The following SPAG9 variants were observed in gnomAD, a reference collection of about 807,000 sequenced individuals.
SPAG9 encodes sperm associated antigen 9.
Under a neutral mutation model 166.5 loss-of-function variants are expected in SPAG9, and 35 were observed. The observed-to-expected ratio is 0.21, with a 90% CI of 0.16 to 0.28. The LOEUF is 0.28. SPAG9 is among the 10% of genes least tolerant of loss of function. SPAG9 has a pLI of 1.00. For missense variants in SPAG9, 1,235 were observed against 1,603.3 expected (o/e 0.77, Z 3.92); for synonymous variants, 534 against 565.5 (o/e 0.94, Z 0.79).
chr17:51,044,784 C>A (rs1395298561), intron 4 of SPAG9, among the ~76,000 whole-genome samples: 1 of 152,148 alleles, frequency 6.6e-6, no homozygotes, highest in Non-Finnish European at 1.5e-5. Context: ...CAATTCCAAG[C>A]CCTTTGCTTT....
At chr17:51,044,692 A>G (rs974627468) in intron 4 of SPAG9, among the ~76,000 whole-genome samples, 22 of 152,124 alleles carry the variant, frequency 1.4e-4, no homozygotes, top group Non-Finnish European at 2.9e-5. Flanking sequence ...TATTTTTCCA[A>G]TTTTTCAGAG....
At chr17:51,078,851 T>C (rs2048087304) in intron 2 of SPAG9, among the ~76,000 whole-genome samples, 1 of 151,968 alleles carries the variant, frequency 6.6e-6, no homozygotes, top group African/African-American at 2.4e-5. Context: ...AATTACATGC[T>C]TAGGTAATTT....
intron 2 of SPAG9, among the ~76,000 whole-genome samples, chr17:51,069,153 T>C (rs2047750741): frequency 6.6e-6 from 1 of 152,010 alleles, no homozygotes; most frequent in African/African-American, 2.4e-5. Flanking sequence ...AAAGATATAA[T>C]TCAAACTCCT....
chr17:51,096,194 A>G (rs1205420701), intron 1 of SPAG9, among the ~76,000 whole-genome samples: 1 of 151,272 alleles, frequency 6.6e-6, no homozygotes, highest in African/African-American at 2.4e-5. Flanking sequence ...AAAAACACAA[A>G]AATCAGCCAG....
At position 50,993,706 on chromosome 17, in the gene SPAG9, G is replaced by C; in HGVS notation, c.2398+58C>G. On this transcript the variant is annotated intron_variant, in intron 19 of 29. Coordinates refer to ENST00000262013, the MANE Select transcript of SPAG9 (RefSeq NM_001130528.3). Reference sequence around the variant, plus strand: ...AACTGCATCTTCAGCTGCTACATCAGTGCCCAGCAGGTAGGTGGATGGAGG... The same window carrying C: ...AACTGCATCTTCAGCTGCTACATCACTGCCCAGCAGGTAGGTGGATGGAGG... 6.5e-6 allele frequency: 10 copies of C among 1,545,326 alleles called. 1 individual carries two copies. In the South Asian group the frequency reaches 1.1e-4, roughly 18 times the overall value.
chr17:51,002,017 A>T lies in SPAG9; in HGVS notation c.1477-172T>A, dbSNP rs542318124. ...ACAAAATCAACAAAGACTTTTTTTT[A>T]AAAAAATATATTTTTTGAGACAGGG... On this transcript the variant is annotated intron_variant, in intron 12 of 29. Coordinates refer to ENST00000262013, the MANE Select transcript of SPAG9 (RefSeq NM_001130528.3). 1.3e-3 allele frequency among the ~76,000 whole-genome samples: 199 copies of T among 152,044 alleles called. 5 individuals carry two copies. In the South Asian group the frequency reaches 0.038, roughly 29 times the overall value.
At chr17:51,031,835 T>C (rs1568021311) in intron 5 of SPAG9, 113 bp from the exon 6 acceptor site, 1 of 799,602 alleles carries the variant, frequency 1.3e-6, no homozygotes, top group East Asian at 2.7e-5. Context: ...ATCTATTATC[T>C]ACTGTGTTTA....
At chr17:51,045,191 T>C (rs1053906099) in intron 4 of SPAG9, among the ~76,000 whole-genome samples, 1 of 152,168 alleles carries the variant, frequency 6.6e-6, no homozygotes, top group Non-Finnish European at 1.5e-5. Flanking sequence ...CAAAGCCTTG[T>C]TGTACCCACT....
At position 51,120,782 on chromosome 17, in the gene SPAG9, C is replaced by T; in HGVS notation, c.-126G>A. ...GCTGGAGCCCGGGCCGGGGCTGGGGCTGGGCCCGGCGGGGTGGGGGCCGGG... is the reference window on the plus strand; with the variant it reads ...GCTGGAGCCCGGGCCGGGGCTGGGGTTGGGCCCGGCGGGGTGGGGGCCGGG... On this transcript the variant is annotated 5_prime_UTR_variant, in exon 1 of 30. Transcript: ENST00000262013. This position sits in a 1 kb window ranked among gnomAD's most constrained non-coding sequence, Gnocchi z 4.7. 2.7e-6 allele frequency: 2 copies of T among 745,674 alleles called. No homozygotes were observed. Among genetic ancestry groups the T allele is most frequent in the Non-Finnish European group, 1.9e-6 (1 of 517,132 alleles). The allele number at this position is 745,674 out of a possible 1,614,324, so 46.2% of individuals were successfully genotyped here. A position where few individuals can be genotyped will look rare whatever the true frequency, so the allele number is the denominator to read the frequency against.
At chr17:50,979,987 T>C (rs1974475964) in intron 25 of SPAG9, 70 bp from the exon 26 acceptor site, 2 of 1,447,198 alleles carry the variant, frequency 1.4e-6, no homozygotes, top group African/African-American at 1.4e-5. Flanking sequence ...CTGTGCTAAT[T>C]TGCACAAGTT....
chr17:51,010,658 A>C (rs1345569850), intron 9 of SPAG9, among the ~76,000 whole-genome samples: 1 of 151,314 alleles, frequency 6.6e-6, no homozygotes, highest in African/African-American at 2.4e-5. Context: ...AGCCTTGGTG[A>C]TTAGCTGTGA....
At chr17:51,037,685 AGTGTGTGTGTGT>A (rs746475393) in intron 5 of SPAG9, among the ~76,000 whole-genome samples, 5 of 83,490 alleles carry the variant, frequency 6.0e-5, no homozygotes, top group African/African-American at 1.2e-4. Flanking sequence ...ATATATATAT[AGTGTGTGTGTGT>A]GTGTGTGTGT....
rs1568084098 is a variant in SPAG9 at position 51,096,022 on chromosome 17, G to GATATATATAGTGAT, written c.304-16319_304-16318insATCACTATATATAT. Among the ~76,000 whole-genome samples the GATATATATAGTGAT allele has an allele frequency of 1.6e-3, 152 of 95,264 alleles. 8 individuals are homozygous for GATATATATAGTGAT. Among genetic ancestry groups the GATATATATAGTGAT allele is most frequent in the African/African-American group, 5.9e-3 (142 of 24,196 alleles). The allele number at this position is 95,264 out of a possible 152,430, so 62.5% of individuals were successfully genotyped here. ...ATATATAGTGATATATATATATAGT[G>GATATATATAGTGAT]ATATATATATATAGTGATATATATA... On this transcript the variant is annotated intron_variant, in intron 1 of 29. Coordinates refer to ENST00000262013, the MANE Select transcript of SPAG9 (RefSeq NM_001130528.3).
At chr17:51,048,389 G>A (rs1473171688) in intron 3 of SPAG9, among the ~76,000 whole-genome samples, 1 of 151,472 alleles carries the variant, frequency 6.6e-6, no homozygotes, top group Non-Finnish European at 1.5e-5. Context: ...TTTAAAGGGT[G>A]TAAATATTAA....
chr17:51,091,125 T>C (rs1265304164), intron 1 of SPAG9, among the ~76,000 whole-genome samples: 2 of 151,498 alleles, frequency 1.3e-5, no homozygotes, highest in African/African-American at 4.9e-5. Context: ...ATATGAAAAT[T>C]AGCCTGGTGT....
At chr17:51,088,421 C>A (rs1219238661) in intron 1 of SPAG9, among the ~76,000 whole-genome samples, 1 of 152,132 alleles carries the variant, frequency 6.6e-6, no homozygotes, top group Non-Finnish European at 1.5e-5. Context: ...CCATCAAAGA[C>A]GTATCATAAA....
intron 1 of SPAG9, among the ~76,000 whole-genome samples, chr17:51,102,500 T>A (rs914177841): frequency 6.6e-6 from 1 of 151,840 alleles, no homozygotes; most frequent in Non-Finnish European, 1.5e-5. Context: ...TCTTCATTTG[T>A]ATGGAAATTT....
At chr17:51,053,856 T>TAAAAA (rs1568044940) in intron 3 of SPAG9, among the ~76,000 whole-genome samples, 3 of 15,444 alleles carry the variant, frequency 1.9e-4, no homozygotes, top group Non-Finnish European at 3.1e-4. Context: ...AAAAAAAAAG[T>TAAAAA]ATATATATAT....
At chr17:50,982,737 ACATTT>A in intron 24 of SPAG9, 65 bp from the exon 25 acceptor site, 1 of 1,380,080 alleles carries the variant, frequency 7.2e-7, no homozygotes, top group Non-Finnish European at 9.9e-7. Flanking sequence ...AACACAAGAA[ACATTT>A]TATTTGTTGT....
Sources: allele counts gnomAD v4.1 joint callset (sites outside exome capture counted in the v4.1 genomes callset), GRCh38; gene constraint gnomAD v4.1.1; non-coding constraint Gnocchi (gnomAD v3.1); transcripts MANE v1.5; gene names NCBI Gene and HGNC (gene_info 2026-07-23, HGNC 2026-07-21).